The following HHLA2 variants were observed in gnomAD, a reference collection of about 807,000 sequenced individuals.
HHLA2 encodes HERV-H LTR-associating protein 2.
A neutral mutation model predicts 45.9 loss-of-function variants in HHLA2; 48 were observed. The ratio of observed to expected loss-of-function variants is 1.05; its 90% CI spans 0.83 to 1.33. HHLA2 has a LOEUF of 1.33. Ranked by LOEUF, HHLA2 falls within the 40% of genes most tolerant of loss-of-function variation. HHLA2 has a pLI of 0.00. For missense variants in HHLA2, 462 were observed against 494.3 expected (o/e 0.93, Z 0.62); for synonymous variants, 161 against 173.9 (o/e 0.93, Z 0.59).
chr3:108,373,552 A>G (rs2082218087), intron 8 of HHLA2, among the ~76,000 whole-genome samples: 1 of 152,244 alleles, frequency 6.6e-6, no homozygotes, highest in Non-Finnish European at 1.5e-5. Flanking sequence ...CTGTTTGCAG[A>G]TGACATGACG....
chr3:108,368,961 C>A (rs552506370), intron 8 of HHLA2, among the ~76,000 whole-genome samples: 1 of 152,026 alleles, frequency 6.6e-6, no homozygotes, highest in Non-Finnish European at 1.5e-5. Context: ...ATTCTAAAAT[C>A]GACCACATAA....
intron 10 of HHLA2, 100 bp downstream of exon 9, chr3:108,376,657 CTT>C: frequency 2.9e-6 from 3 of 1,022,658 alleles, no homozygotes; most frequent in South Asian, 1.5e-5. Flanking sequence ...TCAAGCAAGA[CTT>C]TTATACAGAA....
chr3:108,325,512 C>T (rs1296180665), intron 2 of HHLA2: 2 of 313,696 alleles, frequency 6.4e-6, no homozygotes, highest in Admixed American at 3.7e-5. Flanking sequence ...TAATTAAAAC[C>T]TTCTGCTACT....
chr3:108,328,392 G>A, intron 3 of HHLA2: 1 of 1,331,736 alleles, frequency 7.5e-7, no homozygotes, highest in Non-Finnish European at 1.0e-6. Flanking sequence ...TATCTGTGCA[G>A]CTATTTATTT....
At chr3:108,339,696 C>A (rs1054237387) in intron 3 of HHLA2, among the ~76,000 whole-genome samples, 17 of 152,134 alleles carry the variant, frequency 1.1e-4, no homozygotes, top group African/African-American at 4.1e-4. Context: ...CAGGTAAAAT[C>A]TCCTAGTAAA....
intron 2 of HHLA2, among the ~76,000 whole-genome samples, chr3:108,317,966 G>A (rs887594648): frequency 6.6e-6 from 1 of 152,004 alleles, no homozygotes; most frequent in African/African-American, 2.4e-5. Context: ...CAGATCACCT[G>A]AGGTCGGGAA....
At chr3:108,323,549 C>T (rs2081240488) in intron 2 of HHLA2, among the ~76,000 whole-genome samples, 1 of 152,284 alleles carries the variant, frequency 6.6e-6, no homozygotes, top group East Asian at 1.9e-4. Flanking sequence ...CATCTCTTCA[C>T]ACCTTGTCAA....
intron 3 of HHLA2, among the ~76,000 whole-genome samples, chr3:108,348,596 G>C (rs1221910604): frequency 1.3e-5 from 2 of 152,052 alleles, no homozygotes; most frequent in African/African-American, 4.8e-5. Context: ...AGGAGAGAGA[G>C]AGAGATCCTG....
intron 2 of HHLA2, among the ~76,000 whole-genome samples, chr3:108,327,782 T>A (rs2081311830): frequency 6.6e-6 from 1 of 152,196 alleles, no homozygotes; most frequent in African/African-American, 2.4e-5. Context: ...ATCTGTTTGA[T>A]TGTTTTCTTG....
intron 8 of HHLA2, among the ~76,000 whole-genome samples, chr3:108,374,999 T>C (rs2082246797): frequency 6.7e-6 from 1 of 148,492 alleles, no homozygotes; most frequent in Non-Finnish European, 1.5e-5. Context: ...CAAAGGACTA[T>C]AAATCATGCT....
chr3:108,310,125 T>C (rs908654886), intron 1 of HHLA2, among the ~76,000 whole-genome samples: 3 of 152,098 alleles, frequency 2.0e-5, no homozygotes, highest in Non-Finnish European at 4.4e-5. Flanking sequence ...GCACTTTCTT[T>C]CTCCTCCTCA....
intron 1 of HHLA2, among the ~76,000 whole-genome samples, chr3:108,300,919 T>G (rs917226495): frequency 6.6e-6 from 1 of 152,190 alleles, no homozygotes; most frequent in African/African-American, 2.4e-5. Context: ...AAATGACTAA[T>G]GACATCAAAT....
chr3:108,320,707 C>T (rs9820932), intron 2 of HHLA2, among the ~76,000 whole-genome samples: 22,404 of 151,932 alleles, frequency 0.15, 2,093 homozygotes, highest in Non-Finnish European at 0.21. Flanking sequence ...GTATGGTCAC[C>T]GCTGTTAGGT....
At chr3:108,368,304 T>A (rs558887722) in intron 8 of HHLA2, among the ~76,000 whole-genome samples, 47 of 151,998 alleles carry the variant, frequency 3.1e-4, no homozygotes, top group African/African-American at 1.1e-3. Flanking sequence ...CCTCAACTAA[T>A]GTGCAAAATA....
At chr3:108,343,270 A>G (rs1430387897) in intron 3 of HHLA2, among the ~76,000 whole-genome samples, 1 of 152,188 alleles carries the variant, frequency 6.6e-6, no homozygotes, top group East Asian at 1.9e-4. Context: ...GAAGCAATGA[A>G]GCTTTACAAA....
At chr3:108,301,474 TAC>T (rs2080847417) in intron 1 of HHLA2, among the ~76,000 whole-genome samples, 1 of 152,282 alleles carries the variant, frequency 6.6e-6, no homozygotes, top group Admixed American at 6.5e-5. Flanking sequence ...GTTATCTTCT[TAC>T]AGTCTTTTTT....
chr3:108,328,049 C>T (rs2081318307), intron 2 of HHLA2, among the ~76,000 whole-genome samples: 1 of 152,066 alleles, frequency 6.6e-6, no homozygotes, highest in South Asian at 2.1e-4. Context: ...AGGAGAATCA[C>T]TTGAACCCGG....
At chr3:108,321,230 T>A (rs1382931725) in intron 2 of HHLA2, among the ~76,000 whole-genome samples, 1 of 151,766 alleles carries the variant, frequency 6.6e-6, no homozygotes, top group Non-Finnish European at 1.5e-5. Flanking sequence ...CTGTTCACCA[T>A]CCTCCTAGGA....
chr3:108,364,059 G>A (rs1314605514), intron 8 of HHLA2, among the ~76,000 whole-genome samples: 2 of 151,760 alleles, frequency 1.3e-5, no homozygotes, highest in East Asian at 3.9e-4. Flanking sequence ...ATGTGCCCTG[G>A]TGGTTTGCTG....
Sources: gnomAD v4.1 joint callset for allele counts (sites outside exome capture counted in the v4.1 genomes callset) on GRCh38, gnomAD v4.1.1 for gene constraint, MANE v1.5 for transcripts, NCBI Gene and HGNC (gene_info 2026-07-23, HGNC 2026-07-21) for gene names.